TYR: variants seen among roughly 807,000 people sequenced by gnomAD.
TYR encodes LB24-AB.
Under a neutral mutation model 51.5 loss-of-function variants are expected in TYR, and 58 were observed. That is an observed-to-expected ratio of 1.13 (90% CI 0.91 to 1.40). TYR has a LOEUF of 1.40. Among genes scored for constraint, TYR ranks in the 40% most tolerant of loss-of-function variants. The pLI is 0.00. For missense variants in TYR, 732 were observed against 647.4 expected (o/e 1.13, Z -1.42); for synonymous variants, 263 against 235.2 (o/e 1.12, Z -1.08).
rs1944761913 is a variant in TYR at position 89,284,811 on chromosome 11, A to T, written c.1223A>T (p.Gln408Leu). The T allele has an allele frequency of 3.1e-6, 5 of 1,611,860 alleles. No individual in the cohort carries two copies. The highest frequency in any genetic ancestry group is 4.2e-6 in the Non-Finnish European group (5 of 1,178,518). The change falls in exon 4 of 5, where the codon CAA becomes CTA. Residue 408 changes from glutamine (Q) to leucine (L), a missense_variant. Gln to Leu is a moderately radical substitution (Grantham distance 113, BLOSUM62 -2). Transcript: ENST00000263321. ...EQWLRRHRPL[Q>L]EVYPEANAPI... is the part of the protein sequence containing the mutation. Reference sequence around the variant, plus strand: ...TGGCTCCGAAGGCACCGTCCTCTTCAAGAAGTTTATCCAGAAGCCAATGCA... The same window carrying T: ...TGGCTCCGAAGGCACCGTCCTCTTCTAGAAGTTTATCCAGAAGCCAATGCA...
At chr11:89,180,289 G>A (rs1943284229) in intron 1 of TYR, among the ~76,000 whole-genome samples, 1 of 152,118 alleles carries the variant, frequency 6.6e-6, no homozygotes, top group African/African-American at 2.4e-5. Flanking sequence ...GGGATTTTCA[G>A]TCAGTTATGA....
chr11:89,272,349 C>T (rs1442208079), intron 3 of TYR, among the ~76,000 whole-genome samples: 1 of 151,640 alleles, frequency 6.6e-6, no homozygotes, highest in Non-Finnish European at 1.5e-5. Flanking sequence ...TCCATCAGAG[C>T]TCTTGGGTGA....
In TYR at chr11:89,212,488, A is replaced by G. The variant is rs1197596838; in HGVS notation, c.1037-15335A>G. Among the ~76,000 whole-genome samples the G allele has an allele frequency of 2.0e-5, 3 of 152,192 alleles. No homozygotes were observed. In the East Asian group the frequency reaches 5.8e-4, roughly 29 times the overall value. ...AAAGTCCAGGATCAGATGGATTCAC[A>G]GCCGAATTCCACCAGAGGTACAAAG... is the stretch of plus-strand genomic sequence containing the variant. On this transcript the variant is annotated intron_variant, in intron 2 of 4. Coordinates refer to ENST00000263321, the MANE Select transcript of TYR (RefSeq NM_000372.5).
At chr11:89,263,136 A>T (rs190354984) in intron 3 of TYR, among the ~76,000 whole-genome samples, 69 of 152,036 alleles carry the variant, frequency 4.5e-4, no homozygotes, top group Non-Finnish European at 4.3e-4. Flanking sequence ...GCCCAGCAGC[A>T]TATAAAAATG....
At chr11:89,184,916 T>C (rs12805221) in intron 1 of TYR, among the ~76,000 whole-genome samples, 5,160 of 152,246 alleles carry the variant, frequency 0.034, 124 homozygotes, top group Middle Eastern at 0.068. Context: ...GTAGCAGCCA[T>C]CTATGGTGGG....
intron 3 of TYR, among the ~76,000 whole-genome samples, chr11:89,254,962 C>T (rs1944372763): frequency 2.6e-5 from 4 of 151,544 alleles, no homozygotes. Context: ...TGTAAACCTT[C>T]CTCTTAGCAT....
Position 89,227,804 on chromosome 11 carries a change from A to ATT in TYR, c.1037-11_1037-10dup. ...TCATTAAAGTAAACATATTTTTTTC[A>ATT]TTTTTTTTTAATGAACAGGATTTGC... On this transcript the variant is annotated intron_variant, in intron 2 of 4. Coordinates refer to ENST00000263321, the MANE Select transcript of TYR (RefSeq NM_000372.5). The ATT allele has an allele frequency of 1.3e-6, 2 of 1,527,486 alleles. No homozygotes were observed. Among genetic ancestry groups the ATT allele is most frequent in the Non-Finnish European group, 1.8e-6 (2 of 1,114,822 alleles). 94.6% of individuals were successfully genotyped at this position (1,527,486 alleles called of 1,614,324 possible).
At chr11:89,291,264 A>T (rs1200834058) in intron 4 of TYR, among the ~76,000 whole-genome samples, 1 of 151,942 alleles carries the variant, frequency 6.6e-6, no homozygotes, top group Non-Finnish European at 1.5e-5. Flanking sequence ...TGATGAAAGC[A>T]CACTATTGGC....
At chr11:89,207,084 A>G (rs1943681867) in intron 2 of TYR, among the ~76,000 whole-genome samples, 1 of 152,070 alleles carries the variant, frequency 6.6e-6, no homozygotes, top group African/African-American at 2.4e-5. Context: ...GAAGAGCAAA[A>G]TAAAACCAAA....
chr11:89,217,761 C>G (rs929083495), intron 2 of TYR, among the ~76,000 whole-genome samples: 1 of 152,138 alleles, frequency 6.6e-6, no homozygotes, highest in South Asian at 2.1e-4. Context: ...CGATTCTTAA[C>G]TGTGAAAGAA....
At chr11:89,216,647 C>CAAAAAAAAAAAAA (rs11411684) in intron 2 of TYR, among the ~76,000 whole-genome samples, 11 of 80,798 alleles carry the variant, frequency 1.4e-4, no homozygotes, top group African/African-American at 5.1e-4. Flanking sequence ...TTTTCCATCT[C>CAAAAAAAAAAAAA]AAAAAAAAAA....
chr11:89,211,658 G>A (rs1454604031), intron 2 of TYR, among the ~76,000 whole-genome samples: 2 of 151,768 alleles, frequency 1.3e-5, no homozygotes, highest in East Asian at 1.9e-4. Flanking sequence ...CGTTCTTCTC[G>A]GCACCACATC....
chr11:89,197,397 A>G (rs1943534700), intron 2 of TYR, among the ~76,000 whole-genome samples: 1 of 152,166 alleles, frequency 6.6e-6, no homozygotes, highest in Non-Finnish European at 1.5e-5. Context: ...CTTCACTTTT[A>G]AAGAGTTATA....
intron 2 of TYR, chr11:89,200,208 T>C (rs2135260724): frequency 6.6e-6 from 1 of 152,292 alleles, no homozygotes; most frequent in South Asian, 2.1e-4. Flanking sequence ...CCCGAGTATC[T>C]GGGACTATAG....
chr11:89,251,293 T>C (rs1296335672), intron 3 of TYR, among the ~76,000 whole-genome samples: 1 of 151,986 alleles, frequency 6.6e-6, no homozygotes, highest in Admixed American at 6.6e-5. Flanking sequence ...ACATATCTGT[T>C]TATCATATGA....
intron 1 of TYR, among the ~76,000 whole-genome samples, chr11:89,182,541 G>T (rs982786206): frequency 2.6e-5 from 4 of 152,170 alleles, no homozygotes; most frequent in African/African-American, 9.6e-5. Flanking sequence ...AGCTGAGTGT[G>T]ATTTAAATGA....
intron 4 of TYR, among the ~76,000 whole-genome samples, chr11:89,286,462 C>T (rs533898529): frequency 1.2e-3 from 183 of 151,914 alleles, no homozygotes; most frequent in Non-Finnish European, 1.8e-3. Flanking sequence ...TTCATAATTA[C>T]TCTATGAAGT....
chr11:89,273,000 A>C (rs1944608659), intron 3 of TYR, among the ~76,000 whole-genome samples: 13 of 151,900 alleles, frequency 8.6e-5, no homozygotes, highest in Admixed American at 8.5e-4. Context: ...TCTTCTATCC[A>C]AACCACTAAA....
chr11:89,257,673 G>T (rs1944409756), intron 3 of TYR, among the ~76,000 whole-genome samples: 1 of 152,034 alleles, frequency 6.6e-6, no homozygotes, highest in Non-Finnish European at 1.5e-5. Context: ...GGAAAGAAAA[G>T]ATGCGTAGCT....
Sources: allele counts gnomAD v4.1 joint callset (sites outside exome capture counted in the v4.1 genomes callset), GRCh38; gene constraint gnomAD v4.1.1; transcripts MANE v1.5; gene names NCBI Gene and HGNC (gene_info 2026-07-23, HGNC 2026-07-21).